The following RNF111 variants were observed in gnomAD, a reference collection of about 807,000 sequenced individuals.
The protein encoded by RNF111 is ring finger protein 111.
In RNF111, 17 loss-of-function variants were observed where a neutral mutation model predicts 95.1. That is an observed-to-expected ratio of 0.18 (90% CI 0.12 to 0.27). The LOEUF is 0.27. Among genes scored for constraint, RNF111 ranks in the 10% least tolerant of loss-of-function variants. RNF111 has a pLI of 1.00. For missense variants in RNF111, 1,189 were observed against 1,210.4 expected (o/e 0.98, Z 0.26); for synonymous variants, 440 against 414.8 (o/e 1.06, Z -0.74).
intron 3 of RNF111, among the ~76,000 whole-genome samples, chr15:59,054,697 G>A (rs1282664055): frequency 6.6e-6 from 1 of 151,990 alleles, no homozygotes; most frequent in Non-Finnish European, 1.5e-5. Flanking sequence ...TATAATCGTT[G>A]AAGTTCAAGT....
chr15:59,084,932 ATCT>A (rs549271130), intron 9 of RNF111, among the ~76,000 whole-genome samples: 145 of 152,200 alleles, frequency 9.5e-4, no homozygotes, highest in African/African-American at 3.3e-3. Flanking sequence ...TACTTTTCAC[ATCT>A]TCTTTATCTG....
chr15:59,001,857 A>G (rs1295868428), intron 1 of RNF111, among the ~76,000 whole-genome samples: 5 of 152,214 alleles, frequency 3.3e-5, no homozygotes, highest in Non-Finnish European at 2.9e-5. Context: ...CTTAACAGCC[A>G]CAACATGCAT....
chr15:59,035,042 T>C (rs1296580492), intron 2 of RNF111, among the ~76,000 whole-genome samples: 1 of 152,092 alleles, frequency 6.6e-6, no homozygotes, highest in Non-Finnish European at 1.5e-5. Flanking sequence ...AGAAGGTGAA[T>C]GAAGAGCAAA....
intron 1 of RNF111, among the ~76,000 whole-genome samples, chr15:59,020,124 AATAC>A (rs1172325850): frequency 6.7e-6 from 1 of 148,506 alleles, no homozygotes; most frequent in African/African-American, 2.4e-5. Flanking sequence ...TCATATATAA[AATAC>A]ATATTTTATA....
intron 2 of RNF111, among the ~76,000 whole-genome samples, chr15:59,037,199 T>C (rs1382996407): frequency 6.6e-6 from 1 of 152,194 alleles, no homozygotes; most frequent in Admixed American, 6.5e-5. Flanking sequence ...CCATTATTAA[T>C]TGGCTTTTAA....
intron 2 of RNF111, among the ~76,000 whole-genome samples, chr15:59,038,697 G>C (rs2041301097): frequency 6.6e-6 from 1 of 152,068 alleles, no homozygotes; most frequent in African/African-American, 2.4e-5. Flanking sequence ...CAACACACAT[G>C]GTTTAATTCT....
rs952694833 is a variant in RNF111, at chr15:59,066,616, A to G, written c.1367-148A>G. On this transcript the variant is annotated intron_variant, in intron 5 of 13. Transcript: ENST00000348370. ...AACAGCAAGACTCCATCTCAAAAAAAAAAGAACGTGGCACTATCACATTAT... is the reference window on the plus strand; with the variant it reads ...AACAGCAAGACTCCATCTCAAAAAAGAAAGAACGTGGCACTATCACATTAT... The G allele has an allele frequency of 1.6e-4, 114 of 717,992 alleles. 1 individual carries two copies. In the South Asian group the frequency reaches 2.2e-3, roughly 14 times the overall value. 44.5% of individuals were successfully genotyped at this position (717,992 alleles called of 1,614,324 possible).
intron 13 of RNF111, chr15:59,093,361 T>TTTTC (rs1555403300): frequency 3.4e-4 from 126 of 366,474 alleles, no homozygotes; most frequent in East Asian, 2.1e-3. Context: ...TTTTTTTTTT[T>TTTTC]CCTTTTCTGG....
chr15:59,017,339 A>G (rs1243652712), intron 1 of RNF111, among the ~76,000 whole-genome samples: 1 of 152,234 alleles, frequency 6.6e-6, no homozygotes, highest in Admixed American at 6.5e-5. Flanking sequence ...ACACCAAGCC[A>G]TTTAATAGCA....
chr15:59,013,321 C>A (rs79302878), intron 1 of RNF111, among the ~76,000 whole-genome samples: 2,375 of 152,282 alleles, frequency 0.016, 43 homozygotes, highest in East Asian at 0.038. Context: ...CTAAGAGACC[C>A]ACATTGATAC....
rs2078880519 is a variant in RNF111, at chr15:59,085,783, A to C, written c.2548A>C (p.Met850Leu). The change falls in exon 10 of 14, where the codon ATG becomes CTG. Residue 850 changes from methionine (M) to leucine (L), a missense_variant and splice_region_variant. By Grantham distance (15) the Met-to-Leu change is conservative. This residue lies in a region of RNF111 where 165 missense variants were observed against 284.6 expected (regional missense o/e 0.58). Coordinates refer to ENST00000348370, the MANE Select transcript of RNF111 (RefSeq NM_017610.8). ...HHLQLGALPLMVPDMAGYPHI... is the reference protein window; with the variant it reads ...HHLQLGALPLLVPDMAGYPHI... The stretch of plus-strand genomic sequence containing the variant: ...CTTACAATTAGGAGCTCTTCCTTTA[A>C]TGGTAAAATGGAAAATTTTCAAAAT... The C allele has an allele frequency of 5.0e-6, 8 of 1,610,770 alleles. No individual in the cohort carries two copies. In the South Asian group the frequency reaches 5.5e-5, roughly 11 times the overall value.
intron 1 of RNF111, chr15:58,988,525 G>C (rs1290961482): frequency 1.3e-5 from 2 of 152,378 alleles, no homozygotes; most frequent in African/African-American, 4.8e-5. Context: ...AGACGCGTCA[G>C]ATTTTGTATG....
intron 13 of RNF111, 70 bp downstream of exon 13, chr15:59,092,710 T>A: frequency 7.0e-7 from 1 of 1,422,066 alleles, no homozygotes; most frequent in Non-Finnish European, 9.5e-7. Context: ...AAAAGTAAAT[T>A]ACACCGGGCA....
rs1015939382 is a variant in RNF111, at chr15:59,052,357, T to G, written c.933T>G (p.Val311=). 6.2e-6 allele frequency: 10 copies of G among 1,607,290 alleles called. No individual in the cohort carries two copies. The highest frequency in any genetic ancestry group is 7.6e-6 in the Non-Finnish European group (9 of 1,177,174). Residue 311 remains valine, a synonymous_variant, in exon 3 of 14, where the codon GTT becomes GTG. Transcript: ENST00000348370. ...VVIEASSTPQ[V]TANEEINVTS... is the part of the protein sequence containing the mutation. The stretch of plus-strand genomic sequence containing the variant: ...TAGAAGCTTCCTCCACTCCCCAGGT[T>G]ACTGCCAATGAAGAAATTAATGTTA...
chr15:59,063,331 T>C (rs113435050), intron 5 of RNF111, among the ~76,000 whole-genome samples: 6 of 152,310 alleles, frequency 3.9e-5, no homozygotes, highest in African/African-American at 1.4e-4. Flanking sequence ...CTTTTGTAGA[T>C]CTTTTACCAC....
chr15:59,053,105 C>T (rs1230791901), intron 3 of RNF111, among the ~76,000 whole-genome samples: 1 of 152,112 alleles, frequency 6.6e-6, no homozygotes, highest in African/African-American at 2.4e-5. Context: ...TGTGCTGTTA[C>T]TGTGTTAGGG....
chr15:58,997,667 T>G (rs1361977312), intron 1 of RNF111, among the ~76,000 whole-genome samples: 1 of 151,200 alleles, frequency 6.6e-6, no homozygotes, highest in Non-Finnish European at 1.5e-5. Flanking sequence ...AAATACAAAA[T>G]TAGCAGGGCG....
chr15:59,006,083 C>T (rs1242425810), intron 1 of RNF111, among the ~76,000 whole-genome samples: 1 of 152,132 alleles, frequency 6.6e-6, no homozygotes, highest in Non-Finnish European at 1.5e-5. Context: ...TGGTCATTGT[C>T]AAGAGAAGGA....
chr15:59,078,679 C>T (rs564512288), intron 7 of RNF111, among the ~76,000 whole-genome samples: 31 of 151,528 alleles, frequency 2.0e-4, no homozygotes, highest in Admixed American at 1.4e-3. Context: ...GCCAACATGG[C>T]GAAACCCTGT....
Sources: gnomAD v4.1 joint callset for allele counts (sites outside exome capture counted in the v4.1 genomes callset) on GRCh38, gnomAD v4.1.1 for gene constraint, gnomAD v4.1.1 regional missense constraint, MANE v1.5 for transcripts, NCBI Gene and HGNC (gene_info 2026-07-23, HGNC 2026-07-21) for gene names.